LRBA: variants seen among roughly 807,000 people sequenced by gnomAD.
LRBA encodes LPS responsive beige-like anchor protein.
LRBA carries 176 observed loss-of-function variants against 330.0 expected under a neutral mutation model. The observed-to-expected ratio is 0.53, with a 90% CI of 0.47 to 0.60. LRBA has a LOEUF of 0.60. Ranked by LOEUF, LRBA falls within the 20% of genes least tolerant of loss-of-function variation. The probability of loss-of-function intolerance (pLI) is 0.00; values close to 1 mark genes in which losing one functional copy is unlikely to be tolerated. For missense variants in LRBA, 3,259 were observed against 3,444.8 expected, an observed-to-expected ratio of 0.95 and a Z score of 1.35; for synonymous variants, 1,230 against 1,193.0, an observed-to-expected ratio of 1.03 and a Z score of -0.64.
intron 30 of LRBA, among the ~76,000 whole-genome samples, chr4:150,825,366 C>G (rs1025019100): frequency 3.3e-5 from 5 of 151,950 alleles, no homozygotes; most frequent in East Asian, 1.9e-4. Context: ...CAGTTCATCT[C>G]TTTTTATGGG....
chr4:150,957,388 T>C (rs1737647820), intron 2 of LRBA, among the ~76,000 whole-genome samples: 1 of 148,280 alleles, frequency 6.7e-6, no homozygotes. Context: ...ATGAGACTTA[T>C]TCACTATCAA....
At chr4:150,830,278 C>T (rs1746970924) in intron 29 of LRBA, among the ~76,000 whole-genome samples, 1 of 152,212 alleles carries the variant, frequency 6.6e-6, no homozygotes, top group Non-Finnish European at 1.5e-5. Context: ...GGTCTGGCAG[C>T]TCTTGCATTC....
chr4:150,317,750 G>C (rs1731905387), intron 50 of LRBA, among the ~76,000 whole-genome samples: 1 of 152,126 alleles, frequency 6.6e-6, no homozygotes, highest in South Asian at 2.1e-4. Context: ...AAGGAGGTTT[G>C]CTGATGCTTC....
intron 17 of LRBA, among the ~76,000 whole-genome samples, chr4:150,886,867 AAAC>A (rs1728992879): frequency 6.6e-6 from 1 of 152,236 alleles, no homozygotes; most frequent in South Asian, 2.1e-4. Flanking sequence ...AGGAAAACAC[AAAC>A]AACAGATGTC....
chr4:150,553,479 A>AG (rs1327260388), intron 40 of LRBA, among the ~76,000 whole-genome samples: 1 of 151,998 alleles, frequency 6.6e-6, no homozygotes, highest in Non-Finnish European at 1.5e-5. Context: ...GAAAAAAAAA[A>AG]TAACACTCCC....
chr4:150,950,722 T>C (rs1282596977), intron 2 of LRBA, among the ~76,000 whole-genome samples: 4 of 152,106 alleles, frequency 2.6e-5, no homozygotes, highest in Non-Finnish European at 5.9e-5. Flanking sequence ...TAATAGACAA[T>C]GTTGTTTTTG....
At position 150,871,424 on chromosome 4, in the gene LRBA, C is replaced by T. The variant is rs750783613; in HGVS notation, c.2288G>A (p.Gly763Glu). 2 of 1,611,404 alleles carry T rather than the reference C, an allele frequency of 1.2e-6. No individual in the cohort carries two copies. The highest frequency in any genetic ancestry group is 1.7e-6 in the Non-Finnish European group (2 of 1,177,958). The change falls in exon 19 of 57, where the codon GGA (glycine) becomes GAA (glutamate). Residue 763 changes from glycine to glutamate, a missense_variant. Gly to Glu is a moderately conservative substitution (Grantham distance 98). Coordinates refer to ENST00000651943, the MANE Select transcript of LRBA (RefSeq NM_001364905.1). ...KRKAEVMLGH[G>E]LFSLLAERLM... ...CCTTTCAGCTAGCAATGAAAACAATCCATGTCCAAGCATGACTTCTGCTTT... is the reference window on the plus strand; with the variant it reads ...CCTTTCAGCTAGCAATGAAAACAATTCATGTCCAAGCATGACTTCTGCTTT...
chr4:150,473,518 A>C (rs1257027295), intron 42 of LRBA, among the ~76,000 whole-genome samples: 1 of 152,156 alleles, frequency 6.6e-6, no homozygotes, highest in Non-Finnish European at 1.5e-5. Context: ...CATCCAGTCA[A>C]TTGAGGACTG....
At chr4:150,770,569 T>TTA (rs560905379) in intron 34 of LRBA, among the ~76,000 whole-genome samples, 39 of 91,428 alleles carry the variant, frequency 4.3e-4, no homozygotes, top group East Asian at 2.9e-3. Context: ...AACAAAGATT[T>TTA]TATATATATA....
chr4:150,942,264 A>G (rs1315181809), intron 2 of LRBA, among the ~76,000 whole-genome samples: 1 of 152,204 alleles, frequency 6.6e-6, no homozygotes, highest in African/African-American at 2.4e-5. Flanking sequence ...TCCCTTCTCT[A>G]AGATCATAAT....
At chr4:150,568,437 T>G (rs1157172955) in intron 40 of LRBA, among the ~76,000 whole-genome samples, 1 of 152,170 alleles carries the variant, frequency 6.6e-6, no homozygotes, top group Non-Finnish European at 1.5e-5. Context: ...CACTGACAAT[T>G]TTCCCTTCTT....
In LRBA at chr4:150,868,289, A is replaced by C. The variant is rs530949155; in HGVS notation, c.2466T>G (p.Ile822Met). ...KIQNPQILKV[I>M]ATLLRNSPQC... The stretch of plus-strand genomic sequence containing the variant: ...GGGGAGAATTTCGAAGTAGGGTCGC[A>C]ATTACTTTTAGTATCTCTGTAAGAC... Residue 822 changes from isoleucine to methionine, a missense_variant, in exon 21 of 57, where the codon ATT becomes ATG. Ile to Met is a conservative substitution (Grantham distance 10). Coordinates refer to ENST00000651943, the MANE Select transcript of LRBA (RefSeq NM_001364905.1). The C allele has an allele frequency of 3.3e-4, 527 of 1,611,464 alleles. 5 individuals carry two copies. The South Asian group carries it at 5.4e-3, about 17-fold the overall frequency.
chr4:150,294,829 G>A (rs147169600), intron 53 of LRBA, among the ~76,000 whole-genome samples: 76 of 152,268 alleles, frequency 5.0e-4, no homozygotes, highest in African/African-American at 1.7e-3. Flanking sequence ...GCGCCCACAT[G>A]TAGTCCCAGC....
chr4:150,891,841 TAAAG>T (rs1307841491), intron 17 of LRBA, among the ~76,000 whole-genome samples: 3 of 152,128 alleles, frequency 2.0e-5, no homozygotes, highest in Admixed American at 2.0e-4. Context: ...AAATACCAAA[TAAAG>T]AATCTGTTAT....
intron 53 of LRBA, among the ~76,000 whole-genome samples, chr4:150,296,000 C>T (rs563310147): frequency 1.1e-4 from 16 of 152,148 alleles, no homozygotes; most frequent in South Asian, 8.3e-4. Flanking sequence ...TTCTACCCCC[C>T]AAAAAGAAAA....
chr4:150,359,115 C>G (rs2151837951), intron 47 of LRBA, among the ~76,000 whole-genome samples: 1 of 152,242 alleles, frequency 6.6e-6, no homozygotes, highest in East Asian at 1.9e-4. Flanking sequence ...TAAGTTCTGC[C>G]AGAGAATCAA....
At chr4:150,396,509 C>CACACAT (rs55834733) in intron 47 of LRBA, among the ~76,000 whole-genome samples, 2 of 151,446 alleles carry the variant, frequency 1.3e-5, no homozygotes, top group East Asian at 1.9e-4. Context: ...CACACACACA[C>CACACAT]GTACTCCCAG....
intron 14 of LRBA, among the ~76,000 whole-genome samples, chr4:150,899,776 T>G (rs918216721): frequency 2.6e-5 from 4 of 152,144 alleles, no homozygotes; most frequent in Non-Finnish European, 4.4e-5. Flanking sequence ...GCATTTTCAG[T>G]GTCTTACAAC....
intron 2 of LRBA, among the ~76,000 whole-genome samples, chr4:150,944,022 TGTAA>T (rs1383390999): frequency 3.3e-5 from 5 of 152,206 alleles, no homozygotes; most frequent in Non-Finnish European, 7.4e-5. Context: ...TTGCCAGTCA[TGTAA>T]GTAACCCTGA....
Sources: gnomAD v4.1 joint callset for allele counts (sites outside exome capture counted in the v4.1 genomes callset) on GRCh38, gnomAD v4.1.1 for gene constraint, MANE v1.5 for transcripts, NCBI Gene and HGNC (gene_info 2026-07-23, HGNC 2026-07-21) for gene names.